The following GABRG1 variants were observed in gnomAD, a reference collection of about 807,000 sequenced individuals.
GABRG1 encodes gamma-aminobutyric acid type A receptor subunit gamma1.
A neutral mutation model predicts 49.8 loss-of-function variants in GABRG1; 49 were observed. The observed-to-expected ratio is 0.98, with a 90% CI of 0.78 to 1.25. The LOEUF is 1.25. GABRG1 is among the 50% of genes most tolerant of loss of function. The probability of loss-of-function intolerance (pLI) is 0.00; values close to 1 mark genes in which losing one functional copy is unlikely to be tolerated. For synonymous variants in GABRG1, 232 were observed against 185.1 expected (o/e 1.25, Z -2.06); for missense variants, 552 against 552.3 (o/e 1.00, Z 0.01).
intron 2 of GABRG1, among the ~76,000 whole-genome samples, chr4:46,089,694 GGCTTCT>G (rs1397424236): frequency 6.6e-6 from 1 of 152,128 alleles, no homozygotes; most frequent in Non-Finnish European, 1.5e-5. Context: ...TAGGCATGGT[GGCTTCT>G]GCCAGTAATC....
At chr4:46,070,553 G>A (rs1462289691) in intron 3 of GABRG1, among the ~76,000 whole-genome samples, 1 of 151,946 alleles carries the variant, frequency 6.6e-6, no homozygotes, top group Non-Finnish European at 1.5e-5. Context: ...CTATTCTTGT[G>A]AGCTTGTATT....
chr4:46,114,535 G>T (rs1044634800), intron 1 of GABRG1, among the ~76,000 whole-genome samples: 1 of 150,612 alleles, frequency 6.6e-6, no homozygotes, highest in Admixed American at 6.7e-5. Context: ...GCAATTTGAA[G>T]GTATTTAGGT....
At chr4:46,123,592 A>C (rs1721163160) in intron 1 of GABRG1, among the ~76,000 whole-genome samples, 1 of 152,140 alleles carries the variant, frequency 6.6e-6, no homozygotes. Context: ...GCTTGAAGTC[A>C]AAAACAACTG....
chr4:46,052,218 C>G (rs549689073), intron 7 of GABRG1, among the ~76,000 whole-genome samples: 1 of 129,636 alleles, frequency 7.7e-6, no homozygotes, highest in Admixed American at 7.6e-5. Context: ...TGCATTGTAT[C>G]GCCTTGAAAT....
At chr4:46,115,260 A>G (rs1211827839) in intron 1 of GABRG1, among the ~76,000 whole-genome samples, 3 of 150,680 alleles carry the variant, frequency 2.0e-5, no homozygotes, top group Non-Finnish European at 3.0e-5. Context: ...TTAAGCTTTC[A>G]AAATAAGATC....
intron 2 of GABRG1, among the ~76,000 whole-genome samples, 160 bp downstream of exon 2, chr4:46,097,038 ACTC>A (rs1437461839): frequency 6.6e-6 from 1 of 151,470 alleles, no homozygotes; most frequent in Non-Finnish European, 1.5e-5. Context: ...CAGACTGTGA[ACTC>A]CTCAAAACAT....
intron 1 of GABRG1, among the ~76,000 whole-genome samples, chr4:46,117,848 GT>G (rs1310002618): frequency 2.0e-4 from 18 of 89,272 alleles, no homozygotes; most frequent in Admixed American, 3.6e-4. Context: ...GTATACATGT[GT>G]ATCTATATAC....
chr4:46,079,738 C>T (rs1055325647), intron 3 of GABRG1, among the ~76,000 whole-genome samples: 4 of 151,674 alleles, frequency 2.6e-5, no homozygotes, highest in African/African-American at 9.7e-5. Flanking sequence ...GAGCTTTTAC[C>T]AATTTTGACT....
intron 2 of GABRG1, among the ~76,000 whole-genome samples, chr4:46,093,340 A>C (rs1720062673): frequency 1.3e-5 from 2 of 151,996 alleles, no homozygotes; most frequent in South Asian, 2.1e-4. Flanking sequence ...TGTTAAGTGA[A>C]ATAAACCAGG....
At chr4:46,084,761 A>G (rs1289719765) in intron 2 of GABRG1, among the ~76,000 whole-genome samples, 2 of 151,668 alleles carry the variant, frequency 1.3e-5, no homozygotes, top group Non-Finnish European at 3.0e-5. Flanking sequence ...ATACTTGAAA[A>G]TGCAATTCCA....
chr4:46,038,255 C>T lies in GABRG1; in HGVS notation c.*2733G>A, dbSNP rs1717610152. The T allele has an allele frequency of 6.6e-6, 1 of 151,410 alleles. No individual in the cohort carries two copies. Among genetic ancestry groups the T allele is most frequent in the Admixed American group, 6.6e-5 (1 of 15,124 alleles). The allele number at this position is 151,410 out of a possible 1,614,324, so 9.4% of individuals were successfully genotyped here. ...TTTACAAAAATTAATTTAAGTGAGCCTAATTTTGTCCATGGAATTCGAAGA... is the reference window on the plus strand; with the variant it reads ...TTTACAAAAATTAATTTAAGTGAGCTTAATTTTGTCCATGGAATTCGAAGA... On this transcript the variant is annotated 3_prime_UTR_variant, in exon 9 of 9. Coordinates refer to ENST00000295452, the MANE Select transcript of GABRG1 (RefSeq NM_173536.4).
chr4:46,050,345 G>A (rs1718168020), intron 8 of GABRG1, among the ~76,000 whole-genome samples: 1 of 151,640 alleles, frequency 6.6e-6, no homozygotes, highest in African/African-American at 2.4e-5. Flanking sequence ...AATATAACAT[G>A]AAAAGTAAAA....
chr4:46,045,746 T>C (rs922309511), intron 8 of GABRG1, among the ~76,000 whole-genome samples: 46 of 152,210 alleles, frequency 3.0e-4, no homozygotes, highest in African/African-American at 1.1e-3. Context: ...TTTTTGTATT[T>C]TTGTAGAGAC....
At chr4:46,091,936 T>C (rs1720005235) in intron 2 of GABRG1, among the ~76,000 whole-genome samples, 1 of 151,938 alleles carries the variant, frequency 6.6e-6, no homozygotes, top group Non-Finnish European at 1.5e-5. Context: ...AGAGATAAAA[T>C]ACATTTTATC....
chr4:46,069,493 CT>C (rs1298753000), intron 3 of GABRG1, among the ~76,000 whole-genome samples: 1 of 152,002 alleles, frequency 6.6e-6, no homozygotes, highest in African/African-American at 2.4e-5. Context: ...AAATACAAAA[CT>C]TGGTGTTATT....
chr4:46,067,640 G>A (rs149885953), intron 3 of GABRG1, among the ~76,000 whole-genome samples: 2 of 152,116 alleles, frequency 1.3e-5, no homozygotes, highest in East Asian at 1.9e-4. Context: ...ATATGGGATG[G>A]CACAGATCAA....
At position 46,100,732 on chromosome 4, in the gene GABRG1, G is replaced by GTT. The variant is rs67783537; in HGVS notation, c.105-3385_105-3384dup. Among the ~76,000 whole-genome samples the GTT allele has an allele frequency of 2.2e-4, 28 of 130,222 alleles. 1 individual carries two copies. The South Asian group carries it at 4.9e-3, about 23-fold the overall frequency. The allele number at this position is 130,222 out of a possible 152,430, so 85.4% of individuals were successfully genotyped here. On this transcript the variant is annotated intron_variant, in intron 1 of 8. Coordinates refer to ENST00000295452, the MANE Select transcript of GABRG1 (RefSeq NM_173536.4). ...GAAAAAAAAAAAAAAAGCTTTTTCT[G>GTT]TTTTTTTTTTTATGGTGGCAATATT...
chr4:46,123,644 C>A (rs1721164541), intron 1 of GABRG1, among the ~76,000 whole-genome samples, 166 bp downstream of exon 1: 2 of 151,954 alleles, frequency 1.3e-5, no homozygotes, highest in African/African-American at 4.8e-5. Context: ...TTCCTTCTAT[C>A]TGAGAATGAA....
chr4:46,077,770 T>C (rs1360318441), intron 3 of GABRG1, among the ~76,000 whole-genome samples: 1 of 151,760 alleles, frequency 6.6e-6, no homozygotes, highest in African/African-American at 2.4e-5. Flanking sequence ...TAATAAATGG[T>C]AAATAAATAT....
Sources: allele counts gnomAD v4.1 joint callset (sites outside exome capture counted in the v4.1 genomes callset), GRCh38; gene constraint gnomAD v4.1.1; transcripts MANE v1.5; gene names NCBI Gene and HGNC (gene_info 2026-07-23, HGNC 2026-07-21).